The following TBCK variants were observed in gnomAD, a reference collection of about 807,000 sequenced individuals.
TBCK encodes the protein TBC1 domain containing kinase.
TBCK carries 99 observed loss-of-function variants against 113.4 expected under a neutral mutation model. The ratio of observed to expected loss-of-function variants is 0.87; its 90% CI spans 0.74 to 1.03. TBCK has a LOEUF of 1.03. Ranked by LOEUF, TBCK falls within the 50% of genes least tolerant of loss-of-function variation. TBCK has a pLI of 0.00. For synonymous variants in TBCK, 369 were observed against 370.8 expected, an observed-to-expected ratio of 1.00 and a Z score of 0.05; for missense variants, 1,045 against 1,061.3, an observed-to-expected ratio of 0.98 and a Z score of 0.21.
intron 23 of TBCK, among the ~76,000 whole-genome samples, chr4:106,162,652 C>A (rs137895761): frequency 1.3e-5 from 2 of 152,322 alleles, no homozygotes; most frequent in African/African-American, 4.8e-5. Flanking sequence ...AGGCCAAACA[C>A]CATGTGGGAA....
In TBCK at chr4:106,312,385, GA is replaced by G. The variant is rs146773548; in HGVS notation, c.-29-3397del. Among the ~76,000 whole-genome samples, 865 of 152,182 alleles carry G rather than the reference GA, an allele frequency of 5.7e-3. 9 individuals carry two copies. Among genetic ancestry groups the G allele is most frequent in the African/African-American group, 0.02 (835 of 41,528 alleles). ...AAGTTCTTAATATCATTAATTGGGG[GA>G]AATGCAAATGAAAATCACAATGACA... On this transcript the variant is annotated intron_variant, in intron 1 of 25. Transcript: ENST00000394708.
chr4:106,278,557 T>TAA (rs1764247556), intron 3 of TBCK, among the ~76,000 whole-genome samples: 1 of 29,436 alleles, frequency 3.4e-5, no homozygotes, highest in African/African-American at 1.4e-4. Context: ...AAACTCTGTC[T>TAA]CAAAAAAAAA....
At chr4:106,107,858 G>A (rs1361144968) in intron 24 of TBCK, among the ~76,000 whole-genome samples, 1 of 151,916 alleles carries the variant, frequency 6.6e-6, no homozygotes, top group African/African-American at 2.4e-5. Flanking sequence ...TTGGTTTTTT[G>A]AAAAAATTAA....
Position 106,097,255 on chromosome 4 carries a change from C to A in TBCK, c.2412-1614G>T, listed in dbSNP as rs141936436. Reference sequence around the variant, plus strand: ...TTCAAAATACAAAATGATTCCAAACCTTTTTTAGGCTACACTTTGGAAAAT... The same window carrying A: ...TTCAAAATACAAAATGATTCCAAACATTTTTTAGGCTACACTTTGGAAAAT... On this transcript the variant is annotated intron_variant, in intron 24 of 25. Transcript: ENST00000394708. Among the ~76,000 whole-genome samples, 664 of 152,138 alleles carry A rather than the reference C, an allele frequency of 4.4e-3. 4 individuals carry two copies. Among genetic ancestry groups the A allele is most frequent in the African/African-American group, 0.015 (638 of 41,504 alleles).
chr4:106,306,236 ATTTTTTTTT>A (rs60417567), intron 2 of TBCK, among the ~76,000 whole-genome samples: 27 of 97,326 alleles, frequency 2.8e-4, no homozygotes, highest in Admixed American at 9.1e-4. Context: ...TGCCTGGCTA[ATTTTTTTTT>A]TTTTTTTTTT....
In TBCK at chr4:106,171,328, T is replaced by C. The variant is rs553233578; in HGVS notation, c.2060-58A>G. 3.9e-6 allele frequency: 5 copies of C among 1,297,580 alleles called. No individual in the cohort carries two copies. The South Asian group carries it at 6.6e-5, about 17-fold the overall frequency. The allele number at this position is 1,297,580 out of a possible 1,614,324, so 80.4% of individuals were successfully genotyped here. ...TAGAATTTAGATTGCTCTTTTAATG[T>C]AATAAACACCATCTCTCCTAAGTGA... is the stretch of plus-strand genomic sequence containing the variant. On this transcript the variant is annotated intron_variant, in intron 22 of 25. Coordinates refer to ENST00000394708, the MANE Select transcript of TBCK (RefSeq NM_001163435.3).
chr4:106,298,448 A>C (rs1413057802), intron 2 of TBCK, among the ~76,000 whole-genome samples: 1 of 107,044 alleles, frequency 9.3e-6, no homozygotes, highest in Non-Finnish European at 2.2e-5. Context: ...AAAAATATGA[A>C]AAAAAAAAAA....
intron 3 of TBCK, among the ~76,000 whole-genome samples, chr4:106,293,643 A>C (rs1386301861): frequency 3.9e-5 from 6 of 152,302 alleles, no homozygotes; most frequent in African/African-American, 1.4e-4. Context: ...TCTAGAGGCT[A>C]CCCAAAACCA....
At position 106,230,416 on chromosome 4, in the gene TBCK, A is replaced by G; in HGVS notation, c.1721T>C (p.Ile574Thr). 2 of 1,604,204 alleles carry G rather than the reference A, an allele frequency of 1.2e-6. No individual in the cohort carries two copies. The highest frequency in any genetic ancestry group is 1.7e-6 in the Non-Finnish European group (2 of 1,173,370). The change falls in exon 19 of 26, where the codon ATT (isoleucine) becomes ACT (threonine). Residue 574 changes from isoleucine to threonine, a missense_variant. Ile to Thr is a moderately conservative substitution (Grantham distance 89). Coordinates refer to ENST00000394708, the MANE Select transcript of TBCK (RefSeq NM_001163435.3). ...GAAGAAGTTATACAGGTATTTGGGAATAAAAGCAGACATACATGCATAAGC... is the reference window on the plus strand; with the variant it reads ...GAAGAAGTTATACAGGTATTTGGGAGTAAAAGCAGACATACATGCATAAGC... ...ALAYACMSAF[I>T]PKYLYNFFLK...
rs569037558 is a variant in TBCK, at chr4:106,072,642, T to C, written c.2571+22840A>G. Among the ~76,000 whole-genome samples the C allele has an allele frequency of 2.6e-5, 4 of 152,330 alleles. No homozygotes were observed. In the East Asian group the frequency reaches 7.7e-4, roughly 29 times the overall value. On this transcript the variant is annotated intron_variant, in intron 25 of 25. Transcript: ENST00000394708. ...TATCTTCTGAATTTGAATGTTGGCC[T>C]GCCTTGCTAGGTTGGGGAAGTTCTC...
chr4:106,069,127 G>A (rs984722886), intron 25 of TBCK, among the ~76,000 whole-genome samples: 72 of 152,104 alleles, frequency 4.7e-4, no homozygotes, highest in Non-Finnish European at 5.9e-4. Flanking sequence ...TTCTTTTGCT[G>A]TGCAGAAGCT....
At chr4:106,180,638 G>C (rs1752246137) in intron 22 of TBCK, among the ~76,000 whole-genome samples, 1 of 152,024 alleles carries the variant, frequency 6.6e-6, no homozygotes. Context: ...GCAGTATTTG[G>C]TTTTCTATCT....
intron 24 of TBCK, among the ~76,000 whole-genome samples, chr4:106,107,363 CT>C (rs1414054200): frequency 6.6e-6 from 1 of 152,184 alleles, no homozygotes; most frequent in Non-Finnish European, 1.5e-5. Flanking sequence ...GGCACATACT[CT>C]AAAATCGACC....
chr4:106,236,452 T>C lies in TBCK; in HGVS notation c.1288A>G (p.Ile430Val). 6.3e-7 allele frequency: 1 copy of C among 1,578,624 alleles called. No homozygotes were observed. The highest frequency in any genetic ancestry group is 8.6e-7 in the Non-Finnish European group (1 of 1,161,094). ...TGGTACTCTGTATCCTTCTCTCTGA[T>C]GATTAAAGGGAGCGTGGCAGCTGCA... ...LSAAATLPLI[I>V]REKDTEYQLN... The change falls in exon 14 of 26, where the codon ATC becomes GTC. Residue 430 changes from isoleucine to valine, a missense_variant. Transcript: ENST00000394708.
At chr4:106,161,007 T>C (rs1174479409) in intron 23 of TBCK, among the ~76,000 whole-genome samples, 3 of 152,080 alleles carry the variant, frequency 2.0e-5, no homozygotes, top group South Asian at 4.1e-4. Context: ...GTCAAAATCA[T>C]AGAGACAGAA....
At position 106,043,474 on chromosome 4, in the gene TBCK, T is replaced by C. The variant is rs561329525; in HGVS notation, c.*3096A>G. 1 of 152,358 alleles carries C rather than the reference T, an allele frequency of 6.6e-6. No homozygotes were observed. Among genetic ancestry groups the C allele is most frequent in the Non-Finnish European group, 1.5e-5 (1 of 68,032 alleles). The allele number at this position is 152,358 out of a possible 1,614,324, so 9.4% of individuals were successfully genotyped here. On this transcript the variant is annotated 3_prime_UTR_variant, in exon 26 of 26. Transcript: ENST00000394708. ...GATTCAATTTTATATTAATTGAGCA[T>C]ATCCAATGTGGTGGGTTGCTGAAGG...
intron 20 of TBCK, among the ~76,000 whole-genome samples, chr4:106,202,444 C>G (rs1356696552): frequency 6.6e-6 from 1 of 151,852 alleles, no homozygotes; most frequent in Non-Finnish European, 1.5e-5. Flanking sequence ...CACCATCTTT[C>G]AAGAAGATAT....
At chr4:106,175,254 T>G (rs1392212513) in intron 22 of TBCK, among the ~76,000 whole-genome samples, 2 of 152,056 alleles carry the variant, frequency 1.3e-5, no homozygotes, top group Non-Finnish European at 2.9e-5. Flanking sequence ...ATAAATTATT[T>G]TTTCAGTTTA....
chr4:106,235,232 T>C (rs1437551295), intron 15 of TBCK, 37 bp downstream of exon 15: 3 of 1,414,410 alleles, frequency 2.1e-6, no homozygotes, highest in African/African-American at 2.9e-5. Context: ...TTTCTTTGCA[T>C]AATTAATCAG....
Sources: allele counts gnomAD v4.1 joint callset (sites outside exome capture counted in the v4.1 genomes callset), GRCh38; gene constraint gnomAD v4.1.1; transcripts MANE v1.5; gene names NCBI Gene and HGNC (gene_info 2026-07-23, HGNC 2026-07-21).